Variants in KALRN observed in about 807,000 individuals in gnomAD.
KALRN encodes kalirin.
Under a neutral mutation model 353.7 loss-of-function variants are expected in KALRN, and 70 were observed. That is an observed-to-expected ratio of 0.20 (90% CI 0.16 to 0.24). KALRN has a LOEUF of 0.24. Ranked by LOEUF, KALRN falls within the 10% of genes least tolerant of loss-of-function variation. KALRN has a pLI of 1.00. For synonymous variants in KALRN, 1,391 were observed against 1,434.8 expected, an observed-to-expected ratio of 0.97 and a Z score of 0.69; for missense variants, 2,791 against 3,756.7, an observed-to-expected ratio of 0.74 and a Z score of 6.72.
intron 33 of KALRN, among the ~76,000 whole-genome samples, chr3:124,551,411 G>A (rs983085327): frequency 6.6e-6 from 1 of 152,194 alleles, no homozygotes; most frequent in Admixed American, 6.5e-5. Flanking sequence ...CCTTTCCGTT[G>A]CTGATACCAA....
rs77513341 is a variant in KALRN, at chr3:124,426,259, A to G, written c.2709+3281A>G. Reference sequence around the variant, plus strand: ...TGATTTGGAAGCTGTTGACTCTTGGAAAAAGGGAGTTAATTTAGATGTCGG... The same window carrying G: ...TGATTTGGAAGCTGTTGACTCTTGGGAAAAGGGAGTTAATTTAGATGTCGG... On this transcript the variant is annotated intron_variant, in intron 15 of 59. Transcript: ENST00000682506. Among the ~76,000 whole-genome samples the G allele has an allele frequency of 2.3e-3, 347 of 152,322 alleles. 4 individuals are homozygous for G. The highest frequency in any genetic ancestry group is 7.8e-3 in the African/African-American group (324 of 41,574).
intron 1 of KALRN, among the ~76,000 whole-genome samples, chr3:124,067,661 C>A (rs2042486956): frequency 6.6e-6 from 1 of 152,166 alleles, no homozygotes. Context: ...GCCATGTCAG[C>A]CTTTCTCACT....
intron 11 of KALRN, among the ~76,000 whole-genome samples, chr3:124,386,096 A>G (rs1205229961): frequency 1.3e-5 from 2 of 152,190 alleles, no homozygotes; most frequent in East Asian, 3.9e-4. Flanking sequence ...AGAGAAAAAC[A>G]TGAAAAGATA....
chr3:124,052,907 G>T (rs1259051621), intron 1 of KALRN, among the ~76,000 whole-genome samples: 1 of 152,190 alleles, frequency 6.6e-6, no homozygotes, highest in Non-Finnish European at 1.5e-5. Flanking sequence ...CCTAGCAGAG[G>T]AAGAAAGGTG....
chr3:124,103,822 G>A (rs1474245404), intron 1 of KALRN, among the ~76,000 whole-genome samples: 2 of 152,086 alleles, frequency 1.3e-5, no homozygotes, highest in African/African-American at 2.4e-5. Flanking sequence ...CGGGTGTGAC[G>A]GCATACAACT....
At chr3:124,344,574 T>C (rs1241257290) in intron 9 of KALRN, among the ~76,000 whole-genome samples, 4 of 152,250 alleles carry the variant, frequency 2.6e-5, no homozygotes, top group Non-Finnish European at 5.9e-5. Flanking sequence ...ACTTTTTCAG[T>C]CTGGATTACT....
At chr3:124,475,650 ATG>A (rs1326647827) in intron 26 of KALRN, among the ~76,000 whole-genome samples, 1 of 152,252 alleles carries the variant, frequency 6.6e-6, no homozygotes, top group East Asian at 1.9e-4. Context: ...AGACAACACT[ATG>A]TTTATGTTTT....
At chr3:124,494,174 T>G (rs2063474188) in intron 32 of KALRN, among the ~76,000 whole-genome samples, 1 of 152,164 alleles carries the variant, frequency 6.6e-6, no homozygotes, top group African/African-American at 2.4e-5. Context: ...TGCCCCCACC[T>G]TTTCTCTGCT....
chr3:124,413,368 T>C, intron 13 of KALRN, 102 bp from the exon 14 acceptor site: 1 of 924,268 alleles, frequency 1.1e-6, no homozygotes, highest in Admixed American at 2.6e-5. Context: ...GAGACTTAAC[T>C]GAGGGGTGGA....
At chr3:124,630,893 A>G (rs2080699611) in intron 34 of KALRN, among the ~76,000 whole-genome samples, 1 of 152,146 alleles carries the variant, frequency 6.6e-6, no homozygotes, top group South Asian at 2.1e-4. Flanking sequence ...ACAGTACAAG[A>G]ATTCTCTATA....
intron 49 of KALRN, chr3:124,675,137 C>T (rs1032130882): frequency 6.6e-6 from 1 of 152,190 alleles, no homozygotes; most frequent in Non-Finnish European, 1.5e-5. Flanking sequence ...GGCAATTCCT[C>T]TGTACAGATT....
At chr3:124,572,240 G>A (rs2073605597) in intron 34 of KALRN, among the ~76,000 whole-genome samples, 2 of 151,584 alleles carry the variant, frequency 1.3e-5, no homozygotes, top group Admixed American at 6.6e-5. Flanking sequence ...GGGAAGGGCT[G>A]CAGTGGGAAG....
At chr3:124,377,637 G>T (rs977748981) in intron 10 of KALRN, among the ~76,000 whole-genome samples, 2 of 152,060 alleles carry the variant, frequency 1.3e-5, no homozygotes, top group African/African-American at 4.8e-5. Flanking sequence ...CTGAGAGGGG[G>T]CATAGAATCT....
intron 1 of KALRN, chr3:124,082,461 T>C (rs950734282): frequency 4.4e-5 from 16 of 363,608 alleles, no homozygotes; most frequent in Non-Finnish European, 8.8e-5. Context: ...GGTGAGGTGG[T>C]GGTGGTGCCA....
chr3:124,075,946 C>T lies in KALRN; in HGVS notation c.73+42133C>T, dbSNP rs144875450. Among the ~76,000 whole-genome samples, 336 of 152,288 alleles carry T rather than the reference C, an allele frequency of 2.2e-3. 1 individual carries two copies. The highest frequency in any genetic ancestry group is 7.6e-3 in the African/African-American group (317 of 41,544). ...TCTGAGTCAGGATCTGCACCAAGGA[C>T]GGCCCAAGGTCGCCAGCCTTGTGAG... is the stretch of plus-strand genomic sequence containing the variant. On this transcript the variant is annotated intron_variant, in intron 1 of 59. Transcript: ENST00000682506.
chr3:124,127,271 G>A (rs1450302577), intron 1 of KALRN, among the ~76,000 whole-genome samples: 1 of 152,152 alleles, frequency 6.6e-6, no homozygotes, highest in Non-Finnish European at 1.5e-5. Flanking sequence ...ACCAGTTTAG[G>A]AAGGCTCCAA....
Position 124,702,084 on chromosome 3 carries a change from C to T in KALRN, c.8043C>T (p.Asp2681=), listed in dbSNP as rs2062368100. ...GATISWKENF[D]SAYTELNEIG... ...CCATTTCTTGGAAGGAAAATTTTGA[C>T]TCAGCTTACACTGAGCTGAATGAAA... The change falls in exon 57 of 60, where the codon GAC becomes GAT. Residue 2681 remains aspartate (D), a synonymous_variant. Transcript: ENST00000682506. 1.2e-6 allele frequency: 2 copies of T among 1,613,696 alleles called. No individual in the cohort carries two copies. The highest frequency in any genetic ancestry group is 1.7e-6 in the Non-Finnish European group (2 of 1,179,788).
chr3:124,483,643 A>C (rs552877897), intron 28 of KALRN, among the ~76,000 whole-genome samples: 2 of 152,320 alleles, frequency 1.3e-5, no homozygotes, highest in South Asian at 4.1e-4. Context: ...CCAGGGTGGC[A>C]CCTACCATTG....
At chr3:124,686,796 A>G (rs635382) in intron 51 of KALRN, among the ~76,000 whole-genome samples, 57,481 of 128,728 alleles carry the variant, frequency 0.45, 13,143 homozygotes, top group African/African-American at 0.6. Flanking sequence ...AACACTGGTG[A>G]GATTTTTTTT....
Sources: gnomAD v4.1 joint callset for allele counts (sites outside exome capture counted in the v4.1 genomes callset) on GRCh38, gnomAD v4.1.1 for gene constraint, MANE v1.5 for transcripts, NCBI Gene and HGNC (gene_info 2026-07-23, HGNC 2026-07-21) for gene names.